Variants in ZNF257 observed in about 807,000 individuals in gnomAD.
ZNF257 encodes the protein zinc finger protein 257, also known as bone marrow zinc finger 4.
Under a neutral mutation model 11.9 loss-of-function variants are expected in ZNF257, and 12 were observed. That is an observed-to-expected ratio of 1.01 (90% CI 0.65 to 1.63). The LOEUF (loss-of-function observed/expected upper bound fraction) is 1.63, where lower values mean the gene tolerates loss of function less well. Ranked by LOEUF, ZNF257 falls within the 40% of genes most tolerant of loss-of-function variation. ZNF257 has a pLI of 0.00. For synonymous variants in ZNF257, 183 were observed against 222.7 expected (o/e 0.82, Z 1.59); for missense variants, 580 against 665.5 (o/e 0.87, Z 1.41).
At chr19:22,055,589 G>C (rs1434441717) in intron 1 of ZNF257, among the ~76,000 whole-genome samples, 1 of 152,132 alleles carries the variant, frequency 6.6e-6, no homozygotes, top group Non-Finnish European at 1.5e-5. Flanking sequence ...AAAATAAAAT[G>C]ATCCTGGGCC....
At chr19:22,065,660 T>TA (rs1255754382) in intron 1 of ZNF257, among the ~76,000 whole-genome samples, 1 of 152,218 alleles carries the variant, frequency 6.6e-6, no homozygotes, top group Non-Finnish European at 1.5e-5. Context: ...TAACTCTAGG[T>TA]AAGCATAATT....
rs936015939 is a variant in ZNF257 at position 22,089,216 on chromosome 19, G to A, written c.1466G>A (p.Cys489Tyr). The change falls in exon 4 of 4, where the codon TGT becomes TAT. Residue 489 changes from cysteine (C) to tyrosine (Y), a missense_variant. Physicochemically the swap from Cys to Tyr is radical, Grantham distance 194. Transcript: ENST00000594947. The part of the protein sequence containing the change: ...IIHTGEKPYK[C>Y]EECGKAFNRS... ...CATACTGGGGAGAAGCCCTACAAAT[G>A]TGAAGAATGTGGCAAAGCCTTTAAC... The A allele has an allele frequency of 6.2e-7, 1 of 1,613,520 alleles. No individual in the cohort carries two copies. Among genetic ancestry groups the A allele is most frequent in the Non-Finnish European group, 8.5e-7 (1 of 1,179,820 alleles).
At chr19:22,058,871 GA>G (rs1277172778) in intron 1 of ZNF257, among the ~76,000 whole-genome samples, 1 of 151,652 alleles carries the variant, frequency 6.6e-6, no homozygotes, top group Non-Finnish European at 1.5e-5. Flanking sequence ...CCACCCTCAG[GA>G]ATTTCACCAC....
rs1034013697 is a variant in ZNF257 at position 22,089,620 on chromosome 19, T to G, written c.*178T>G. 9 of 1,420,716 alleles carry G rather than the reference T, an allele frequency of 6.3e-6. No homozygotes were observed. In the African/African-American group the frequency reaches 1.3e-4, roughly 21 times the overall value. 88.0% of individuals were successfully genotyped at this position (1,420,716 alleles called of 1,614,324 possible). ...AAAATAATTCATGCTGGAGAGAAAC[T>G]CTTGAAATGTGATGAATGTGGCATA... On this transcript the variant is annotated 3_prime_UTR_variant, in exon 4 of 4. Transcript: ENST00000594947.
rs138098306 is a variant in ZNF257 at position 22,087,968 on chromosome 19, T to C, written c.227-9T>C. The C allele has an allele frequency of 3.4e-6, 5 of 1,465,948 alleles. No homozygotes were observed. The Admixed American group carries it at 6.9e-5, about 20-fold the overall frequency. 90.8% of individuals were successfully genotyped at this position (1,465,948 alleles called of 1,614,324 possible). ...AAGTGGAGTAATTTGTTGTTTTTATTTCTTTTAGTTATGTGTTCTCATATT... is the reference window on the plus strand; with the variant it reads ...AAGTGGAGTAATTTGTTGTTTTTATCTCTTTTAGTTATGTGTTCTCATATT... On this transcript the variant is annotated splice_polypyrimidine_tract_variant and intron_variant, in intron 3 of 3. Coordinates refer to ENST00000594947, the MANE Select transcript of ZNF257 (RefSeq NM_033468.4).
intron 1 of ZNF257, among the ~76,000 whole-genome samples, chr19:22,061,449 A>G (rs1300760459): frequency 2.6e-5 from 4 of 152,034 alleles, no homozygotes; most frequent in Non-Finnish European, 4.4e-5. Flanking sequence ...GATATTGTTG[A>G]TGTACATGGG....
At chr19:22,068,927 G>C (rs1357433792) in intron 1 of ZNF257, among the ~76,000 whole-genome samples, 1 of 152,062 alleles carries the variant, frequency 6.6e-6, no homozygotes, top group Admixed American at 6.6e-5. Flanking sequence ...AATCACCTAG[G>C]TGTCTTTGAG....
chr19:22,060,652 A>G (rs1174728910), intron 1 of ZNF257: 1 of 151,702 alleles, frequency 6.6e-6, no homozygotes, highest in Admixed American at 6.6e-5. Flanking sequence ...CGCCCGGCTA[A>G]TTTTTGTATT....
chr19:22,056,887 C>G (rs921273102), intron 1 of ZNF257, among the ~76,000 whole-genome samples: 5 of 152,114 alleles, frequency 3.3e-5, no homozygotes, highest in Admixed American at 6.5e-5. Flanking sequence ...AAAAAAATCT[C>G]TGTATTTTGG....
rs10418804 is a variant in ZNF257, at chr19:22,090,213, T to C, written c.*771T>C. 0.23 allele frequency: 35,366 copies of C among 151,990 alleles called. 5,576 individuals carry two copies. Among genetic ancestry groups the C allele is most frequent in the African/African-American group, 0.44 (18,363 of 41,414 alleles). The allele number at this position is 151,990 out of a possible 1,614,324, so 9.4% of individuals were successfully genotyped here. On this transcript the variant is annotated 3_prime_UTR_variant, in exon 4 of 4. Transcript: ENST00000594947. ...TATAAATACAATTACTGTCAAATGA[T>C]CTTTCAGAAATATAAACCTTTAAAG...
intron 3 of ZNF257, among the ~76,000 whole-genome samples, chr19:22,084,430 A>G (rs1025230446): frequency 3.3e-5 from 5 of 151,244 alleles, no homozygotes; most frequent in Non-Finnish European, 5.9e-5. Context: ...TAATGCCTCC[A>G]ACATTGTTTC....
intron 1 of ZNF257, among the ~76,000 whole-genome samples, chr19:22,062,306 C>A (rs28822164): frequency 0.27 from 34,753 of 127,384 alleles, 5,613 homozygotes; most frequent in African/African-American, 0.5. Context: ...TTGTATTTTT[C>A]GTAGAGACGG....
intron 2 of ZNF257, 29 bp downstream of exon 2, chr19:22,072,964 A>G: frequency 6.4e-7 from 1 of 1,568,134 alleles, no homozygotes; most frequent in Non-Finnish European, 8.6e-7. Context: ...CTCAATTCCT[A>G]ATATACTCCA....
intron 1 of ZNF257, among the ~76,000 whole-genome samples, chr19:22,069,922 A>C (rs1044729914): frequency 3.9e-5 from 6 of 152,098 alleles, no homozygotes; most frequent in Non-Finnish European, 5.9e-5. Flanking sequence ...ACAGAGAACA[A>C]ATTCTACATA....
chr19:22,064,348 CATT>C (rs1175564272), intron 1 of ZNF257: 3 of 152,124 alleles, frequency 2.0e-5, no homozygotes, highest in Non-Finnish European at 2.9e-5. Flanking sequence ...AACCTTTTGT[CATT>C]ATTTTTTACT....
rs1451704848 is a variant in ZNF257 at position 22,068,126 on chromosome 19, C to T, written c.4-4683C>T. ...CCCAAAATCGTTTGTTACTAACAAA[C>T]ATTTTTGTACCATCCCACTCTCTGT... On this transcript the variant is annotated intron_variant, in intron 1 of 3. Coordinates refer to ENST00000594947, the MANE Select transcript of ZNF257 (RefSeq NM_033468.4). Among the ~76,000 whole-genome samples, 11 of 143,570 alleles carry T rather than the reference C, an allele frequency of 7.7e-5. No individual in the cohort carries two copies. The East Asian group carries it at 2.2e-3, about 29-fold the overall frequency. The allele number at this position is 143,570 out of a possible 152,430, so 94.2% of individuals were successfully genotyped here. A position where few individuals can be genotyped will look rare whatever the true frequency, so the allele number is the denominator to read the frequency against.
chr19:22,083,260 AGCAGTTTGAG>A (rs1438421212), intron 3 of ZNF257, among the ~76,000 whole-genome samples: 1 of 150,918 alleles, frequency 6.6e-6, no homozygotes, highest in African/African-American at 2.4e-5. Context: ...ACCTTAGGTC[AGCAGTTTGAG>A]ACCAGCCTGG....
At chr19:22,070,352 A>G (rs1338174032) in intron 1 of ZNF257, among the ~76,000 whole-genome samples, 1 of 150,908 alleles carries the variant, frequency 6.6e-6, no homozygotes, top group African/African-American at 2.4e-5. Context: ...AAAATTAATG[A>G]CAGAGAAACT....
At position 22,088,854 on chromosome 19, in the gene ZNF257, A is replaced by T; in HGVS notation, c.1104A>T (p.Lys368Asn). The change falls in exon 4 of 4, where the codon AAA becomes AAT. Residue 368 changes from lysine to asparagine, a missense_variant. Coordinates refer to ENST00000594947, the MANE Select transcript of ZNF257 (RefSeq NM_033468.4). ...HLTQHKIIHTKEKPYKCEECG... is the reference protein window; with the variant it reads ...HLTQHKIIHTNEKPYKCEECG... The stretch of plus-strand genomic sequence containing the variant: ...CTCAACATAAGATAATTCATACTAA[A>T]GAGAAACCCTACAAATGTGAAGAGT... 1 of 1,613,246 alleles carries T rather than the reference A, an allele frequency of 6.2e-7. No individual in the cohort carries two copies. The highest frequency in any genetic ancestry group is 1.3e-5 in the African/African-American group (1 of 74,786).
Sources: gnomAD v4.1 joint callset for allele counts (sites outside exome capture counted in the v4.1 genomes callset) on GRCh38, gnomAD v4.1.1 for gene constraint, MANE v1.5 for transcripts, NCBI Gene and HGNC (gene_info 2026-07-23, HGNC 2026-07-21) for gene names.